Variants in CALN1 observed in about 807,000 individuals in gnomAD.
CALN1 encodes calcium-binding protein 8.
A neutral mutation model predicts 30.6 loss-of-function variants in CALN1; 17 were observed. The ratio of observed to expected loss-of-function variants is 0.56; its 90% CI spans 0.38 to 0.83. CALN1 has a LOEUF of 0.83. Ranked by LOEUF, CALN1 falls within the 40% of genes least tolerant of loss-of-function variation. The pLI is 0.00. For missense variants in CALN1, 291 were observed against 354.9 expected (o/e 0.82, Z 1.45); for synonymous variants, 156 against 131.4 (o/e 1.19, Z -1.28).
At chr7:71,858,814 T>C (rs2116644573) in intron 5 of CALN1, among the ~76,000 whole-genome samples, 1 of 152,282 alleles carries the variant, frequency 6.6e-6, no homozygotes, top group East Asian at 1.9e-4. Flanking sequence ...TACTGATTGA[T>C]GTCTCGTGTC....
intron 5 of CALN1, among the ~76,000 whole-genome samples, chr7:71,905,548 A>G (rs1794088726): frequency 6.6e-6 from 1 of 152,090 alleles, no homozygotes; most frequent in Non-Finnish European, 1.5e-5. Context: ...TTGATCCTCT[A>G]CATCAGTAGC....
chr7:72,076,922 TTTTA>T (rs1804786572), intron 4 of CALN1, among the ~76,000 whole-genome samples: 1 of 152,204 alleles, frequency 6.6e-6, no homozygotes, highest in South Asian at 2.1e-4. Context: ...TTGTTTTGTT[TTTTA>T]TTTTTTATTT....
intron 1 of CALN1, among the ~76,000 whole-genome samples, chr7:72,404,358 A>G (rs2129562204): frequency 6.6e-6 from 1 of 152,350 alleles, no homozygotes; most frequent in African/African-American, 2.4e-5. Flanking sequence ...ATAAATATGT[A>G]TTGAACACAC....
chr7:71,784,991 A>T lies in CALN1; in HGVS notation c.*2784T>A. 1 of 397,106 alleles carries T rather than the reference A, an allele frequency of 2.5e-6. No individual in the cohort carries two copies. The highest frequency in any genetic ancestry group is 4.4e-6 in the Non-Finnish European group (1 of 225,452). The allele number at this position is 397,106 out of a possible 1,614,324, so 24.6% of individuals were successfully genotyped here. ...TCCCTATACCCAAGACAAACTGTCC[A>T]AGCAAAGCAGCCAGGGTGCAAGTCA... On this transcript the variant is annotated 3_prime_UTR_variant, in exon 7 of 7. Coordinates refer to ENST00000395275, the MANE Select transcript of CALN1 (RefSeq NM_031468.4).
intron 4 of CALN1, among the ~76,000 whole-genome samples, chr7:72,031,626 G>A (rs192946585): frequency 4.6e-4 from 70 of 152,088 alleles, no homozygotes; most frequent in Non-Finnish European, 8.5e-4. Flanking sequence ...GAAGTGCAGT[G>A]GTGCAATCAT....
At chr7:72,478,150 G>C in the CALN1 span, among the ~76,000 whole-genome samples, 1 of 151,866 alleles carries the variant, frequency 6.6e-6, no homozygotes, top group East Asian at 1.9e-4. Flanking sequence ...GCTGAGTAGG[G>C]AGGATTGCTT....
intron 5 of CALN1, among the ~76,000 whole-genome samples, chr7:71,840,518 A>C (rs997077863): frequency 1.3e-5 from 2 of 151,496 alleles, no homozygotes; most frequent in Non-Finnish European, 2.9e-5. Context: ...AAAAGAGAAA[A>C]AGAAAAAGAA....
intron 3 of CALN1, among the ~76,000 whole-genome samples, chr7:72,176,612 A>G (rs1411254883): frequency 6.6e-6 from 1 of 152,164 alleles, no homozygotes; most frequent in Non-Finnish European, 1.5e-5. Context: ...AGGCCTCACC[A>G]GAAGCAGATG....
intron 3 of CALN1, among the ~76,000 whole-genome samples, chr7:72,238,134 A>G (rs539398376): frequency 2.0e-5 from 3 of 152,344 alleles, no homozygotes; most frequent in East Asian, 3.9e-4. Context: ...TCACCTTGGG[A>G]AACATTGCAA....
intron 2 of CALN1, among the ~76,000 whole-genome samples, chr7:72,365,285 G>C (rs924700395): frequency 1.3e-5 from 2 of 152,016 alleles, no homozygotes; most frequent in Admixed American, 6.6e-5. Flanking sequence ...ATGATAAAAA[G>C]TTGTGCCACT....
chr7:71,994,938 C>T (rs940769200), intron 5 of CALN1, among the ~76,000 whole-genome samples: 4 of 151,566 alleles, frequency 2.6e-5, no homozygotes, highest in Admixed American at 6.6e-5. Flanking sequence ...CTGCAGGCTC[C>T]GCCTCCCAGG....
chr7:71,931,650 T>G lies in CALN1; in HGVS notation c.501+92007A>C, dbSNP rs139706286. Among the ~76,000 whole-genome samples, 944 of 152,330 alleles carry G rather than the reference T, an allele frequency of 6.2e-3. 10 individuals carry two copies. Among genetic ancestry groups the G allele is most frequent in the African/African-American group, 0.021 (884 of 41,578 alleles). On this transcript the variant is annotated intron_variant, in intron 5 of 6. Transcript: ENST00000395275. ...GGACTGTAATTTCACGACATGGTAG[T>G]AGGTCAGTAGTTCTAACCCTTTCTT...
intron 5 of CALN1, among the ~76,000 whole-genome samples, chr7:71,828,128 G>A (rs185843160): frequency 1.3e-5 from 2 of 152,250 alleles, no homozygotes; most frequent in East Asian, 3.9e-4. Context: ...GGTCAAAGGA[G>A]AAGCCCATTA....
chr7:72,244,778 C>T (rs1032145742), intron 3 of CALN1, among the ~76,000 whole-genome samples: 4 of 151,840 alleles, frequency 2.6e-5, no homozygotes, highest in Admixed American at 2.6e-4. Context: ...ATGGCACTAC[C>T]AATGGATAGA....
chr7:71,944,680 AAACT>A (rs1252485331), intron 5 of CALN1, among the ~76,000 whole-genome samples: 1 of 151,996 alleles, frequency 6.6e-6, no homozygotes, highest in East Asian at 1.9e-4. Context: ...GTTCTTTAAA[AAACT>A]AATTGCTATC....
intron 6 of CALN1, among the ~76,000 whole-genome samples, chr7:71,809,445 AC>A (rs1204310981): frequency 1.5e-4 from 18 of 122,330 alleles, no homozygotes; most frequent in Non-Finnish European, 2.9e-4. Context: ...AACTATGTAT[AC>A]TGACTTATTT....
intron 4 of CALN1, among the ~76,000 whole-genome samples, chr7:72,033,504 A>G (rs1403687681): frequency 6.6e-6 from 1 of 152,202 alleles, no homozygotes; most frequent in Non-Finnish European, 1.5e-5. Context: ...GCATTGTGTT[A>G]AGGCAGGACA....
intron 3 of CALN1, among the ~76,000 whole-genome samples, chr7:72,218,488 C>G (rs991971762): frequency 6.6e-6 from 1 of 151,990 alleles, no homozygotes; most frequent in Non-Finnish European, 1.5e-5. Flanking sequence ...TTTGGGTAAC[C>G]AAAGCAACAA....
chr7:72,295,889 TC>T (rs1798820703), intron 2 of CALN1, among the ~76,000 whole-genome samples: 1 of 151,802 alleles, frequency 6.6e-6, no homozygotes, highest in Non-Finnish European at 1.5e-5. Flanking sequence ...GGCCAGAACT[TC>T]CAACACTATG....
Sources: gnomAD v4.1 joint callset for allele counts (sites outside exome capture counted in the v4.1 genomes callset) on GRCh38, gnomAD v4.1.1 for gene constraint, MANE v1.5 for transcripts, NCBI Gene and HGNC (gene_info 2026-07-23, HGNC 2026-07-21) for gene names.